The following DESI2 variants were observed in gnomAD, a reference collection of about 807,000 sequenced individuals.
DESI2 encodes the protein deubiquitinase DESI2.
DESI2 carries 10 observed loss-of-function variants against 24.1 expected under a neutral mutation model. That is an observed-to-expected ratio of 0.41 (90% CI 0.26 to 0.70). DESI2 has a LOEUF of 0.70. DESI2 is among the 30% of genes least tolerant of loss of function. DESI2 has a pLI of 0.29. For synonymous variants in DESI2, 71 were observed against 87.7 expected (o/e 0.81, Z 1.06); for missense variants, 122 against 234.9 (o/e 0.52, Z 3.14).
At chr1:244,655,451 G>GTCTTATAT (rs1455249067) in intron 1 of DESI2, among the ~76,000 whole-genome samples, 2 of 152,094 alleles carry the variant, frequency 1.3e-5, no homozygotes, top group African/African-American at 4.8e-5. Flanking sequence ...TTCTTTTGAG[G>GTCTTATAT]GCTTTGAGTG....
At chr1:244,675,357 A>G (rs575121060) in intron 1 of DESI2, among the ~76,000 whole-genome samples, 1 of 152,290 alleles carries the variant, frequency 6.6e-6, no homozygotes, top group Admixed American at 6.5e-5. Context: ...CTATGAAGCC[A>G]TTGCGTAATC....
intron 1 of DESI2, among the ~76,000 whole-genome samples, chr1:244,667,225 G>A (rs922250591): frequency 6.6e-6 from 1 of 152,142 alleles, no homozygotes; most frequent in Non-Finnish European, 1.5e-5. Flanking sequence ...TCTGAGACAA[G>A]GCAAGTCCCT....
intron 4 of DESI2, 62 bp from the exon 5 acceptor site, chr1:244,705,494 T>C: frequency 7.6e-7 from 1 of 1,317,936 alleles, no homozygotes; most frequent in Non-Finnish European, 1.1e-6. Flanking sequence ...CTCCACTCCC[T>C]GGCAGTGGAC....
chr1:244,698,781 G>A (rs997471482), intron 4 of DESI2, among the ~76,000 whole-genome samples: 1 of 152,286 alleles, frequency 6.6e-6, no homozygotes, highest in South Asian at 2.1e-4. Context: ...GGATGTTGAT[G>A]GAACTACGTG....
intron 1 of DESI2, among the ~76,000 whole-genome samples, chr1:244,659,434 A>C (rs1201021156): frequency 2.0e-5 from 3 of 152,156 alleles, no homozygotes; most frequent in South Asian, 2.1e-4. Flanking sequence ...TCTGCTTCCA[A>C]GCTCATTCAG....
intron 1 of DESI2, among the ~76,000 whole-genome samples, chr1:244,674,382 T>C (rs1001709769): frequency 4.0e-5 from 6 of 150,930 alleles, no homozygotes; most frequent in African/African-American, 1.2e-4. Context: ...CTATATAAAA[T>C]GTACACCCAT....
intron 1 of DESI2, among the ~76,000 whole-genome samples, chr1:244,674,294 ATTTAC>A (rs1337676789): frequency 6.8e-6 from 1 of 147,808 alleles, no homozygotes; most frequent in Admixed American, 6.9e-5. Flanking sequence ...CACCCGGCCG[ATTTAC>A]TTTACTTCTA....
chr1:244,663,246 G>T (rs1393691319), intron 1 of DESI2, among the ~76,000 whole-genome samples: 1 of 151,422 alleles, frequency 6.6e-6, no homozygotes. Context: ...CATCCGTCTC[G>T]GCTCAGTGCA....
intron 4 of DESI2, among the ~76,000 whole-genome samples, chr1:244,696,247 A>G (rs375414871): frequency 3.9e-5 from 6 of 152,358 alleles, no homozygotes; most frequent in Admixed American, 6.5e-5. Flanking sequence ...CCCAGTTGTC[A>G]TAATTTTTTA....
rs969062775 is a variant in DESI2 at position 244,706,834 on chromosome 1, T to A, written c.*1045T>A. 4 of 152,698 alleles carry A rather than the reference T, an allele frequency of 2.6e-5. No individual in the cohort carries two copies. The highest frequency in any genetic ancestry group is 9.6e-5 in the African/African-American group (4 of 41,474). The allele number at this position is 152,698 out of a possible 1,614,324, so 9.5% of individuals were successfully genotyped here. ...AGTATGTTGGCGTTTGTCATGGGAC[T>A]CATTTCACATAATAGAATGCCTAGT... On this transcript the variant is annotated 3_prime_UTR_variant, in exon 5 of 5. Transcript: ENST00000302550.
At position 244,657,251 on chromosome 1, in the gene DESI2, C is replaced by T. The variant is rs79201601; in HGVS notation, c.42+3896C>T. 1.2e-3 allele frequency among the ~76,000 whole-genome samples: 186 copies of T among 152,286 alleles called. 2 individuals are homozygous for T. Among genetic ancestry groups the T allele is most frequent in the East Asian group, 6.5e-3 (34 of 5,194 alleles). On this transcript the variant is annotated intron_variant, in intron 1 of 4. Coordinates refer to ENST00000302550, the MANE Select transcript of DESI2 (RefSeq NM_016076.5). ...TCAGGTCAGGCAGGTGTGATAGATC[C>T]GATTTCTCATACATCTGCAGATCTA...
At chr1:244,654,478 C>T (rs1204433748) in intron 1 of DESI2, among the ~76,000 whole-genome samples, 1 of 152,184 alleles carries the variant, frequency 6.6e-6, no homozygotes, top group Non-Finnish European at 1.5e-5. Context: ...AGTGGGATTT[C>T]TCATGCCATA....
intron 2 of DESI2, among the ~76,000 whole-genome samples, chr1:244,688,726 T>C (rs1676910064): frequency 6.6e-6 from 1 of 152,196 alleles, no homozygotes; most frequent in Admixed American, 6.6e-5. Flanking sequence ...GTGTGTTAAT[T>C]TGGCAGTTTA....
rs929471505 is a variant in DESI2 at position 244,666,416 on chromosome 1, A to AT, written c.42+13062dup. ...TCAGTTTTTTTTTACTTTCTACTCT[A>AT]TCACTCCAATCAGTGAATGAATATG... On this transcript the variant is annotated intron_variant, in intron 1 of 4. Coordinates refer to ENST00000302550, the MANE Select transcript of DESI2 (RefSeq NM_016076.5). Among the ~76,000 whole-genome samples, 29 of 152,188 alleles carry AT rather than the reference A, an allele frequency of 1.9e-4. 1 individual carries two copies. The highest frequency in any genetic ancestry group is 6.7e-4 in the African/African-American group (28 of 41,516).
chr1:244,693,960 C>T (rs1677117517), intron 4 of DESI2, among the ~76,000 whole-genome samples: 2 of 152,154 alleles, frequency 1.3e-5, no homozygotes, highest in South Asian at 2.1e-4. Flanking sequence ...TCCCATATAA[C>T]GAAGACAAGC....
intron 1 of DESI2, among the ~76,000 whole-genome samples, chr1:244,685,948 G>A (rs1001071963): frequency 1.3e-5 from 2 of 152,064 alleles, no homozygotes; most frequent in African/African-American, 2.4e-5. Context: ...ATCCCCATGG[G>A]CCCCATGGCC....
At chr1:244,666,607 A>G (rs910912589) in intron 1 of DESI2, among the ~76,000 whole-genome samples, 2 of 152,228 alleles carry the variant, frequency 1.3e-5, no homozygotes, top group Non-Finnish European at 2.9e-5. Context: ...CTAACAAATA[A>G]GTGAACAAGA....
rs1025317906 is a variant in DESI2 at position 244,707,943 on chromosome 1, T to C, written c.*2154T>C. ...GGCCAATTACCTACCATACTAACAATCAGCAGATAAAATTCTGGACGTGAG... is the reference window on the plus strand; with the variant it reads ...GGCCAATTACCTACCATACTAACAACCAGCAGATAAAATTCTGGACGTGAG... On this transcript the variant is annotated 3_prime_UTR_variant, in exon 5 of 5. Coordinates refer to ENST00000302550, the MANE Select transcript of DESI2 (RefSeq NM_016076.5). 4 of 152,318 alleles carry C rather than the reference T, an allele frequency of 2.6e-5. No individual in the cohort carries two copies. Among genetic ancestry groups the C allele is most frequent in the African/African-American group, 4.8e-5 (2 of 41,570 alleles). 9.4% of individuals were successfully genotyped at this position (152,318 alleles called of 1,614,324 possible).
intron 1 of DESI2, among the ~76,000 whole-genome samples, chr1:244,680,088 G>A (rs111446850): frequency 9.8e-5 from 14 of 142,466 alleles, no homozygotes; most frequent in Middle Eastern, 8.0e-3. Flanking sequence ...TTTAATTGCC[G>A]TAAGAGTAGC....
Sources: allele counts gnomAD v4.1 joint callset (sites outside exome capture counted in the v4.1 genomes callset), GRCh38; gene constraint gnomAD v4.1.1; transcripts MANE v1.5; gene names NCBI Gene and HGNC (gene_info 2026-07-23, HGNC 2026-07-21).